CCNY: variants seen among roughly 807,000 people sequenced by gnomAD.
The protein encoded by CCNY is cyclin Y.
CCNY carries 19 observed loss-of-function variants against 42.8 expected under a neutral mutation model. That is an observed-to-expected ratio of 0.44 (90% CI 0.31 to 0.65). The LOEUF (loss-of-function observed/expected upper bound fraction) is 0.65. Ranked by LOEUF, CCNY falls within the 30% of genes least tolerant of loss-of-function variation. The pLI is 0.07. For missense variants in CCNY, 370 were observed against 437.3 expected (o/e 0.85, Z 1.37); for synonymous variants, 165 against 162.7 (o/e 1.01, Z -0.11).
At chr10:35,504,771 G>A (rs1840180659) in intron 3 of CCNY, among the ~76,000 whole-genome samples, 1 of 151,986 alleles carries the variant, frequency 6.6e-6, no homozygotes, top group African/African-American at 2.4e-5. Context: ...CAAGTAGCTG[G>A]GATTAAAAGC....
chr10:35,280,535 G>A (rs1212604555), intron 3 of CCNY, among the ~76,000 whole-genome samples: 1 of 151,960 alleles, frequency 6.6e-6, no homozygotes, highest in Non-Finnish European at 1.5e-5. Context: ...ATGATACTGG[G>A]ACAACTGAAT....
intron 1 of CCNY, among the ~76,000 whole-genome samples, chr10:35,430,308 G>A (rs1407029807): frequency 7.8e-6 from 1 of 128,764 alleles, no homozygotes; most frequent in East Asian, 2.5e-4. Flanking sequence ...CTGCACTCCA[G>A]CCTGGGCGAC....
intron 2 of CCNY, among the ~76,000 whole-genome samples, chr10:35,500,196 C>T (rs879868252): frequency 9.2e-5 from 14 of 152,228 alleles, no homozygotes; most frequent in Middle Eastern, 3.2e-3. Context: ...CCTGCACATG[C>T]GTCCATCCGA....
intron 8 of CCNY, among the ~76,000 whole-genome samples, chr10:35,559,988 G>GT (rs1841434704): frequency 6.6e-6 from 1 of 151,746 alleles, no homozygotes; most frequent in Non-Finnish European, 1.5e-5. Flanking sequence ...TTCTTTCTGA[G>GT]TTTTCTTTCT....
chr10:35,390,854 A>G (rs1432948766), intron 1 of CCNY, among the ~76,000 whole-genome samples: 2 of 152,230 alleles, frequency 1.3e-5, no homozygotes, highest in Non-Finnish European at 2.9e-5. Flanking sequence ...CATAACATGA[A>G]TTAAAGTGGA....
chr10:35,374,671 G>A (rs1837011013), intron 1 of CCNY, among the ~76,000 whole-genome samples: 1 of 152,110 alleles, frequency 6.6e-6, no homozygotes, highest in Admixed American at 6.6e-5. Context: ...CTGTTTCTTG[G>A]TTTGTCAGGT....
chr10:35,503,063 A>C (rs1028166067), intron 3 of CCNY, among the ~76,000 whole-genome samples: 1 of 152,132 alleles, frequency 6.6e-6, no homozygotes, highest in African/African-American at 2.4e-5. Flanking sequence ...TCTAACCTGC[A>C]TACCTCTTTT....
chr10:35,416,175 G>A (rs1838020441), intron 1 of CCNY, among the ~76,000 whole-genome samples: 1 of 151,728 alleles, frequency 6.6e-6, no homozygotes, highest in Admixed American at 6.6e-5. Flanking sequence ...GTGTGTGTGT[G>A]TGTGTGTGTG....
At chr10:35,426,254 AACAC>A (rs1564406542) in intron 1 of CCNY, among the ~76,000 whole-genome samples, 2 of 144,108 alleles carry the variant, frequency 1.4e-5, no homozygotes, top group Admixed American at 1.4e-4. Flanking sequence ...CACACACACA[AACAC>A]ACAAACACAC....
chr10:35,357,291 G>A (rs1836579121), intron 1 of CCNY, among the ~76,000 whole-genome samples: 1 of 142,310 alleles, frequency 7.0e-6, no homozygotes, highest in African/African-American at 2.6e-5. Flanking sequence ...CCTGTTGCTT[G>A]TGTTTCCCCC....
At chr10:35,494,244 C>CCT (rs1554794914) in intron 2 of CCNY, among the ~76,000 whole-genome samples, 5 of 147,488 alleles carry the variant, frequency 3.4e-5, no homozygotes, top group Admixed American at 3.4e-4. Flanking sequence ...ACCCCCCCCC[C>CCT]CATTTCTACA....
Position 35,529,987 on chromosome 10 carries a change from G to T in CCNY, c.416G>T (p.Arg139Met). 1 of 1,613,884 alleles carries T rather than the reference G, an allele frequency of 6.2e-7. No individual in the cohort carries two copies. The highest frequency in any genetic ancestry group is 8.5e-7 in the Non-Finnish European group (1 of 1,179,810). ...TTCCCTACCAGGGACCCAGATGGAAGGATGCTCTTAGATATTTTTGATGAA... is the reference window on the plus strand; with the variant it reads ...TTCCCTACCAGGGACCCAGATGGAATGATGCTCTTAGATATTTTTGATGAA... ...YHIKNRDPDG[R>M]MLLDIFDENL... Residue 139 changes from arginine (R) to methionine (M), a missense_variant, in exon 6 of 10, where the codon AGG becomes ATG. Coordinates refer to ENST00000374704, the MANE Select transcript of CCNY (RefSeq NM_145012.6).
intron 3 of CCNY, among the ~76,000 whole-genome samples, chr10:35,511,830 A>T (rs1398091925): frequency 1.3e-5 from 2 of 152,200 alleles, no homozygotes; most frequent in South Asian, 2.1e-4. Flanking sequence ...GCAGGGAAAG[A>T]GGAAGTGAAC....
chr10:35,339,187 C>A (rs1057021190), intron 1 of CCNY, among the ~76,000 whole-genome samples: 2 of 152,166 alleles, frequency 1.3e-5, no homozygotes, highest in Non-Finnish European at 2.9e-5. Context: ...AATAATACTT[C>A]TAGCATTGAC....
intron 3 of CCNY, among the ~76,000 whole-genome samples, chr10:35,290,992 T>A (rs1000995262): frequency 1.3e-5 from 2 of 152,006 alleles, no homozygotes; most frequent in Admixed American, 6.6e-5. Flanking sequence ...TTCCTTTAAA[T>A]GGAATCATGA....
intron 3 of CCNY, among the ~76,000 whole-genome samples, chr10:35,512,151 C>T (rs1840337289): frequency 6.6e-6 from 1 of 152,174 alleles, no homozygotes; most frequent in South Asian, 2.1e-4. Context: ...GAAAGGAAAA[C>T]AAAATTCAAG....
At chr10:35,412,087 T>A (rs1289232151) in intron 1 of CCNY, among the ~76,000 whole-genome samples, 1 of 152,038 alleles carries the variant, frequency 6.6e-6, no homozygotes, top group Non-Finnish European at 1.5e-5. Context: ...GAGTGCAAGG[T>A]GGGGAAGATG....
intron 8 of CCNY, among the ~76,000 whole-genome samples, chr10:35,557,704 C>T (rs1841387540): frequency 6.6e-6 from 1 of 151,990 alleles, no homozygotes; most frequent in Non-Finnish European, 1.5e-5. Context: ...TGCAATGAGC[C>T]GAGATCGTGC....
chr10:35,564,653 C>T (rs921133005), intron 8 of CCNY, among the ~76,000 whole-genome samples: 1 of 152,152 alleles, frequency 6.6e-6, no homozygotes, highest in Admixed American at 6.5e-5. Flanking sequence ...GAGGGTGAGG[C>T]CCTGCACTAG....
Sources: gnomAD v4.1 joint callset for allele counts (sites outside exome capture counted in the v4.1 genomes callset) on GRCh38, gnomAD v4.1.1 for gene constraint, MANE v1.5 for transcripts, NCBI Gene and HGNC (gene_info 2026-07-23, HGNC 2026-07-21) for gene names.